Variants in ZFX observed in about 807,000 individuals in gnomAD.
ZFX encodes zinc finger protein X-linked, also known as zinc finger X-chromosomal protein.
For missense variants in ZFX, 362 were observed against 628.3 expected (o/e 0.58, Z 4.53); for synonymous variants, 196 against 226.8 (o/e 0.86, Z 1.22).
At position 24,211,460 on chromosome X, in the gene ZFX, A is replaced by G; in HGVS notation, c.*84A>G. The G allele has an allele frequency of 8.0e-6, 8 of 998,560 alleles. No individual in the cohort carries two copies. The highest frequency in any genetic ancestry group is 4.5e-5 in the South Asian group (2 of 44,652). 82.3% of individuals were successfully genotyped at this position (998,560 alleles called of 1,213,427 possible). On this transcript the variant is annotated 3_prime_UTR_variant, in exon 10 of 10. Transcript: ENST00000304543. ...AAGCCAATCAGTCTCATTCACATAC[A>G]ATACTGTATATTGATTTATGCTGTG...
Position 24,207,255 on chromosome X carries a change from T to TTTC in ZFX, c.647-69_647-68insCTT, listed in dbSNP as rs1472579942. The TTTC allele has an allele frequency of 4.7e-6, 5 of 1,059,822 alleles. No homozygotes were observed. In the South Asian group the frequency reaches 9.7e-5, roughly 20 times the overall value. 87.3% of individuals were successfully genotyped at this position (1,059,822 alleles called of 1,213,427 possible). On this transcript the variant is annotated intron_variant, in intron 5 of 9. Transcript: ENST00000304543. ...GTCTCAAAAAAAAAAATTTTTTTTT[T>TTTC]TTTTTTTGCGAATAGTAACATTTTA...
intron 5 of ZFX, among the ~76,000 whole-genome samples, chrX:24,183,274 TC>T (rs1487430005): frequency 4.5e-5 from 5 of 111,431 alleles, no homozygotes; most frequent in Non-Finnish European, 9.4e-5. Context: ...AACCTCCGCC[TC>T]CCGGGTTCAA....
chrX:24,163,837 A>C (rs1185342129), intron 3 of ZFX, among the ~76,000 whole-genome samples: 1 of 77,656 alleles, frequency 1.3e-5, no homozygotes, highest in Non-Finnish European at 2.4e-5. Flanking sequence ...CTTTTAAAAA[A>C]AAGAAAAAAA....
intron 3 of ZFX, among the ~76,000 whole-genome samples, chrX:24,160,599 G>A (rs1007013969): frequency 9.0e-6 from 1 of 111,219 alleles, no homozygotes; most frequent in African/African-American, 3.3e-5. Context: ...GAGCCCAGCC[G>A]AAATACACGT....
chrX:24,165,791 G>A (rs1933945369), intron 3 of ZFX, among the ~76,000 whole-genome samples: 1 of 112,114 alleles, frequency 8.9e-6, no homozygotes. Flanking sequence ...GCAACTAAAG[G>A]TAGAATACTT....
At chrX:24,173,587 T>G (rs1351160323) in intron 4 of ZFX, 2 of 1,145,299 alleles carry the variant, frequency 1.7e-6, no homozygotes, top group Admixed American at 5.3e-5. Context: ...CACTTGCGTT[T>G]TGGGTTTTTT....
chrX:24,191,928 G>A (rs180869134), intron 5 of ZFX, among the ~76,000 whole-genome samples: 1 of 111,075 alleles, frequency 9.0e-6, no homozygotes, highest in African/African-American at 3.3e-5. Context: ...TCAAACTCCC[G>A]ATCTCAGGTG....
intron 4 of ZFX, among the ~76,000 whole-genome samples, chrX:24,178,665 T>C (rs1236140157): frequency 1.8e-5 from 2 of 110,399 alleles, no homozygotes; most frequent in Non-Finnish European, 3.8e-5. Context: ...CACTGCAATG[T>C]CCGCCTCCCT....
At chrX:24,201,279 G>A (rs1020338687) in intron 5 of ZFX, among the ~76,000 whole-genome samples, 1 of 112,667 alleles carries the variant, frequency 8.9e-6, no homozygotes, top group Non-Finnish European at 1.9e-5. Flanking sequence ...TAATAGAATA[G>A]CTTTGCTACC....
chrX:24,168,097 AG>A (rs1934179208), intron 3 of ZFX, among the ~76,000 whole-genome samples: 1 of 112,464 alleles, frequency 8.9e-6, no homozygotes, highest in African/African-American at 3.2e-5. Flanking sequence ...GGGAAAAATT[AG>A]GAAAGAAATG....
chrX:24,161,454 A>G (rs1240529773), intron 3 of ZFX, among the ~76,000 whole-genome samples: 3 of 111,968 alleles, frequency 2.7e-5, no homozygotes, highest in Non-Finnish European at 5.6e-5. Flanking sequence ...ATCTTGAGAA[A>G]AAGTTGGAAG....
intron 5 of ZFX, among the ~76,000 whole-genome samples, chrX:24,196,859 T>C (rs1936959278): frequency 8.9e-6 from 1 of 112,504 alleles, no homozygotes; most frequent in South Asian, 3.6e-4. Context: ...CCTCCCAAAG[T>C]GTTGGGATTA....
At chrX:24,183,002 T>C (rs1206606859) in intron 5 of ZFX, among the ~76,000 whole-genome samples, 1 of 111,613 alleles carries the variant, frequency 9.0e-6, no homozygotes, top group African/African-American at 3.3e-5. Flanking sequence ...AGCTATTTTG[T>C]CTGTGAAGCA....
intron 3 of ZFX, among the ~76,000 whole-genome samples, chrX:24,155,133 G>C (rs939018796): frequency 5.5e-5 from 6 of 109,696 alleles, no homozygotes; most frequent in Non-Finnish European, 1.1e-4. Flanking sequence ...TAAAATAAGA[G>C]TTTTAAAAAA....
chrX:24,213,261 A>T lies in ZFX; in HGVS notation c.*1885A>T. On this transcript the variant is annotated 3_prime_UTR_variant, in exon 10 of 10. Transcript: ENST00000304543. ...CATAAAACAAACTCGGTTAATTAGA[A>T]CTTGGTTATGTTAAGACGAATCTGG... 1 of 111,772 alleles carries T rather than the reference A, an allele frequency of 8.9e-6. No homozygotes were observed. Among genetic ancestry groups the T allele is most frequent in the Non-Finnish European group, 1.9e-5 (1 of 53,070 alleles). The allele number at this position is 111,772 out of a possible 1,213,427, so 9.2% of individuals were successfully genotyped here.
intron 3 of ZFX, among the ~76,000 whole-genome samples, chrX:24,157,358 T>A (rs1569121724): frequency 8.9e-6 from 1 of 112,015 alleles, no homozygotes; most frequent in African/African-American, 3.3e-5. Flanking sequence ...TTTCATAGAT[T>A]CTGAGGTACA....
At chrX:24,162,667 T>C (rs1353254739) in intron 3 of ZFX, among the ~76,000 whole-genome samples, 1 of 112,280 alleles carries the variant, frequency 8.9e-6, no homozygotes, top group Non-Finnish European at 1.9e-5. Context: ...TGGTTTAAGA[T>C]TGCATATACT....
chrX:24,189,341 G>T (rs1007311356), intron 5 of ZFX, among the ~76,000 whole-genome samples: 1 of 111,799 alleles, frequency 8.9e-6, no homozygotes, highest in East Asian at 2.8e-4. Context: ...TTACAGGGTT[G>T]CTGCATACAA....
intron 3 of ZFX, among the ~76,000 whole-genome samples, chrX:24,167,799 G>T (rs1299500860): frequency 5.4e-5 from 6 of 111,832 alleles, no homozygotes; most frequent in Admixed American, 9.6e-5. Flanking sequence ...ATAAATGCTA[G>T]TAAGAATGAA....
Sources: allele counts gnomAD v4.1 joint callset (sites outside exome capture counted in the v4.1 genomes callset), GRCh38; gene constraint gnomAD v4.1.1; transcripts MANE v1.5; gene names NCBI Gene and HGNC (gene_info 2026-07-23, HGNC 2026-07-21).